Variants in TSPAN11 observed in about 807,000 individuals in gnomAD.
TSPAN11 encodes the protein tetraspanin-11.
In TSPAN11, 29 loss-of-function variants were observed where a neutral mutation model predicts 32.9. That is an observed-to-expected ratio of 0.88 (90% CI 0.66 to 1.20). The LOEUF (loss-of-function observed/expected upper bound fraction) is 1.20. Among genes scored for constraint, TSPAN11 ranks in the 50% most tolerant of loss-of-function variants. The pLI is 0.00. For synonymous variants in TSPAN11, 140 were observed against 141.3 expected, an observed-to-expected ratio of 0.99 and a Z score of 0.07; for missense variants, 283 against 329.1, an observed-to-expected ratio of 0.86 and a Z score of 1.08.
intron 2 of TSPAN11, chr12:30,954,383 A>C: frequency 3.2e-6 from 1 of 310,120 alleles, no homozygotes; most frequent in Non-Finnish European, 6.0e-6. Context: ...TTCCCCACTA[A>C]CTTGTTGCAC....
chr12:30,931,914 T>C (rs748837505), intron 1 of TSPAN11, among the ~76,000 whole-genome samples: 2 of 134,168 alleles, frequency 1.5e-5, no homozygotes, highest in Admixed American at 7.3e-5. Context: ...CCTCATCCTA[T>C]CCTACTTGAG....
At chr12:31,010,252 T>G in the TSPAN11 span, among the ~76,000 whole-genome samples, 128,150 of 152,176 alleles carry the variant, frequency 0.84, 54,180 homozygotes, top group Admixed American at 0.88. Flanking sequence ...CGGGGTCAAA[T>G]TCTGATGCCA....
Position 30,954,456 on chromosome 12 carries a change from A to G in TSPAN11, c.84+381A>G, listed in dbSNP as rs182555038. On this transcript the variant is annotated intron_variant, in intron 2 of 7. Coordinates refer to ENST00000546076, the MANE Select transcript of TSPAN11 (RefSeq NM_001370302.1). ...ACTTGTTTTCCACTGAAATCCATTC[A>G]CCTTTCATGGTTAACATTCTCCAGG... 69 of 242,884 alleles carry G rather than the reference A, an allele frequency of 2.8e-4. No individual in the cohort carries two copies. The Admixed American group carries it at 3.1e-3, about 11-fold the overall frequency. The allele number at this position is 242,884 out of a possible 1,614,324, so 15.0% of individuals were successfully genotyped here. A position where few individuals can be genotyped will look rare whatever the true frequency, so the allele number is the denominator to read the frequency against.
In TSPAN11 at chr12:30,992,146, G is replaced by A. The variant is rs1592501035; in HGVS notation, c.*231G>A. ...CTGAGCCCCCATGGCCAGATCCTGGGCAGGGAAATGATCCTTTCAGGAGAC... is the reference window on the plus strand; with the variant it reads ...CTGAGCCCCCATGGCCAGATCCTGGACAGGGAAATGATCCTTTCAGGAGAC... On this transcript the variant is annotated 3_prime_UTR_variant, in exon 8 of 8. Transcript: ENST00000546076. The A allele has an allele frequency of 3.4e-6, 2 of 594,150 alleles. No homozygotes were observed. Among genetic ancestry groups the A allele is most frequent in the Admixed American group, 2.9e-5 (1 of 34,812 alleles). The allele number at this position is 594,150 out of a possible 1,614,324, so 36.8% of individuals were successfully genotyped here. A position where few individuals can be genotyped will look rare whatever the true frequency, so the allele number is the denominator to read the frequency against.
chr12:30,953,284 C>T (rs185816484), intron 1 of TSPAN11, among the ~76,000 whole-genome samples: 10 of 152,282 alleles, frequency 6.6e-5, no homozygotes, highest in African/African-American at 2.4e-4. Context: ...ATATATGTGT[C>T]ATTATTATCC....
chr12:30,935,344 C>G (rs1245318950), intron 1 of TSPAN11, among the ~76,000 whole-genome samples: 1 of 149,562 alleles, frequency 6.7e-6, no homozygotes, highest in Admixed American at 6.7e-5. Context: ...TTCAAGGGAG[C>G]AGTGAGTATG....
chr12:30,963,697 A>G, intron 2 of TSPAN11, 129 bp from the exon 3 acceptor site: 2 of 1,017,432 alleles, frequency 2.0e-6, no homozygotes, highest in Non-Finnish European at 2.8e-6. Flanking sequence ...TAACCATACC[A>G]TTCTCGCCTC....
the TSPAN11 span, among the ~76,000 whole-genome samples, chr12:31,008,307 C>T: frequency 6.6e-6 from 1 of 152,220 alleles, no homozygotes; most frequent in African/African-American, 2.4e-5. Flanking sequence ...TTCCTGTCCA[C>T]AGTTTCCCCA....
the TSPAN11 span, among the ~76,000 whole-genome samples, chr12:31,008,941 G>C: frequency 6.5e-4 from 99 of 152,272 alleles, 1 homozygote; most frequent in African/African-American, 2.3e-3. Flanking sequence ...TTACATCCTT[G>C]AGGTGGGTAA....
Position 30,991,996 on chromosome 12 carries a change from C to T in TSPAN11, c.*81C>T. The T allele has an allele frequency of 1.3e-6, 2 of 1,492,732 alleles. No homozygotes were observed. The highest frequency in any genetic ancestry group is 9.3e-7 in the Non-Finnish European group (1 of 1,071,110). 92.5% of individuals were successfully genotyped at this position (1,492,732 alleles called of 1,614,324 possible). The stretch of plus-strand genomic sequence containing the variant: ...ATCTGCAAGGCCTGCAGAGTTAGCA[C>T]CAGCTCCACTAGGGCCATAGATGCC... On this transcript the variant is annotated 3_prime_UTR_variant, in exon 8 of 8. Transcript: ENST00000546076.
chr12:30,942,421 A>G (rs1938185053), intron 1 of TSPAN11, among the ~76,000 whole-genome samples: 2 of 152,110 alleles, frequency 1.3e-5, no homozygotes, highest in African/African-American at 4.8e-5. Flanking sequence ...AGATCTTCAA[A>G]CCTGCCAACT....
intron 1 of TSPAN11, among the ~76,000 whole-genome samples, chr12:30,952,677 T>C (rs1224925111): frequency 1.3e-5 from 2 of 152,106 alleles, no homozygotes; most frequent in African/African-American, 4.8e-5. Context: ...GATGAAAGGA[T>C]GGTCCAGTTG....
chr12:30,937,579 T>G (rs1938072781), intron 1 of TSPAN11, among the ~76,000 whole-genome samples: 1 of 152,168 alleles, frequency 6.6e-6, no homozygotes, highest in Non-Finnish European at 1.5e-5. Flanking sequence ...TCTTTTTCTT[T>G]CATGTAACAG....
intron 3 of TSPAN11, among the ~76,000 whole-genome samples, chr12:30,969,159 C>A (rs1938797386): frequency 6.6e-6 from 1 of 152,220 alleles, no homozygotes; most frequent in African/African-American, 2.4e-5. Flanking sequence ...GCCATGGCTC[C>A]CAGGGCCCTG....
At chr12:30,938,950 G>A (rs910489048) in intron 1 of TSPAN11, among the ~76,000 whole-genome samples, 2 of 152,072 alleles carry the variant, frequency 1.3e-5, no homozygotes, top group East Asian at 3.9e-4. Context: ...AAACAGAAGC[G>A]GGCTGGTTGT....
the TSPAN11 span, among the ~76,000 whole-genome samples, chr12:31,006,437 C>G: frequency 2.0e-5 from 3 of 152,238 alleles, no homozygotes; most frequent in East Asian, 5.8e-4. Flanking sequence ...CCAAATAAAC[C>G]CACATCGAAA....
chr12:30,971,213 T>C (rs1245337133), intron 3 of TSPAN11, among the ~76,000 whole-genome samples: 1 of 152,218 alleles, frequency 6.6e-6, no homozygotes, highest in Non-Finnish European at 1.5e-5. Flanking sequence ...CTATCTCTAA[T>C]TATTCAGAAT....
At chr12:30,978,275 G>C in intron 3 of TSPAN11, 1 of 407,560 alleles carries the variant, frequency 2.5e-6, no homozygotes. Context: ...ATAACTTTGA[G>C]AGCAATAGTT....
rs777736712 is a variant in TSPAN11 at position 30,978,561 on chromosome 12, T to C, written c.277T>C (p.Tyr93His). ...LWERKGCLST[Y>H]FCLLLVIFLV... ...GACCGTCCTCTCTCTTTGCTGCTAG[T>C]ATTTCTGCCTGTTGCTCGTCATCTT... The change falls in exon 4 of 8, where the codon TAT (tyrosine) becomes CAT (histidine). Residue 93 changes from tyrosine to histidine, a missense_variant and splice_region_variant. Coordinates refer to ENST00000546076, the MANE Select transcript of TSPAN11 (RefSeq NM_001370302.1). The C allele has an allele frequency of 2.5e-6, 4 of 1,614,176 alleles. No individual in the cohort carries two copies. The highest frequency in any genetic ancestry group is 1.1e-5 in the South Asian group (1 of 91,072).
Sources: allele counts gnomAD v4.1 joint callset (sites outside exome capture counted in the v4.1 genomes callset), GRCh38; gene constraint gnomAD v4.1.1; transcripts MANE v1.5; gene names NCBI Gene and HGNC (gene_info 2026-07-23, HGNC 2026-07-21).